SWT1: variants seen among roughly 807,000 people sequenced by gnomAD.
SWT1 encodes the protein transcriptional protein SWT1.
In SWT1, 33 loss-of-function variants were observed where a neutral mutation model predicts 107.3. The observed-to-expected ratio is 0.31, with a 90% CI of 0.23 to 0.41. The LOEUF (loss-of-function observed/expected upper bound fraction) is 0.41, where lower values mean the gene tolerates loss of function less well. SWT1 is among the 10% of genes least tolerant of loss of function. SWT1 has a pLI of 1.00. For synonymous variants in SWT1, 345 were observed against 348.3 expected, an observed-to-expected ratio of 0.99 and a Z score of 0.11; for missense variants, 898 against 1,028.9, an observed-to-expected ratio of 0.87 and a Z score of 1.74.
rs77819057 is a variant in SWT1, at chr1:185,214,776, G to A, written c.2121+121G>A. The stretch of plus-strand genomic sequence containing the variant: ...TAACTTATTCTAACATACTAAAGGC[G>A]TTAAGTAAATGTTAAGTGAATTGAA... On this transcript the variant is annotated intron_variant, in intron 14 of 18. Coordinates refer to ENST00000367500, the MANE Select transcript of SWT1 (RefSeq NM_017673.7). 6,227 of 779,202 alleles carry A rather than the reference G, an allele frequency of 8.0e-3. 218 individuals carry two copies. In the East Asian group the frequency reaches 0.089, roughly 11 times the overall value. 48.3% of individuals were successfully genotyped at this position (779,202 alleles called of 1,614,324 possible). A position where few individuals can be genotyped will look rare whatever the true frequency, so the allele number is the denominator to read the frequency against.
rs1194140381 is a variant in SWT1 at position 185,174,478 on chromosome 1, A to G, written c.331A>G (p.Ile111Val). 18 of 1,610,976 alleles carry G rather than the reference A, an allele frequency of 1.1e-5. No homozygotes were observed. The East Asian group carries it at 3.8e-4, about 34-fold the overall frequency. ...ATCATATTCAAATGATAATCAAATTATTTTGCAGAGTCCTTCTTCAAATGG... is the reference window on the plus strand; with the variant it reads ...ATCATATTCAAATGATAATCAAATTGTTTTGCAGAGTCCTTCTTCAAATGG... ...EASYSNDNQIILQSPSSNGTK... is the reference protein window; with the variant it reads ...EASYSNDNQIVLQSPSSNGTK... Residue 111 changes from isoleucine to valine, a missense_variant, in exon 5 of 19, where the codon ATT becomes GTT. Transcript: ENST00000367500.
chr1:185,172,409 A>G (rs1655151965), intron 4 of SWT1, among the ~76,000 whole-genome samples: 1 of 152,198 alleles, frequency 6.6e-6, no homozygotes, highest in African/African-American at 2.4e-5. Context: ...CATCCTTTTA[A>G]AAAACTGTGA....
intron 18 of SWT1, among the ~76,000 whole-genome samples, chr1:185,285,421 CAT>C (rs1278821850): frequency 2.6e-5 from 4 of 152,166 alleles, no homozygotes; most frequent in African/African-American, 9.7e-5. Flanking sequence ...GGCGGTTCAA[CAT>C]GTTATATATT....
rs537609393 is a variant in SWT1, at chr1:185,255,243, A to G, written c.2442-16080A>G. Among the ~76,000 whole-genome samples, 94 of 151,720 alleles carry G rather than the reference A, an allele frequency of 6.2e-4. 1 individual carries two copies. The highest frequency in any genetic ancestry group is 2.2e-3 in the African/African-American group (90 of 41,306). ...AATAGGTGTGGTGTGGTGCTGAAAA[A>G]AATGTATATTCTGTTGATTTGGGGT... is the stretch of plus-strand genomic sequence containing the variant. On this transcript the variant is annotated intron_variant, in intron 16 of 18. Transcript: ENST00000367500.
intron 16 of SWT1, among the ~76,000 whole-genome samples, chr1:185,261,086 C>T (rs1312997130): frequency 6.6e-6 from 1 of 152,084 alleles, no homozygotes; most frequent in Non-Finnish European, 1.5e-5. Context: ...TGAGAACATT[C>T]CTGCTCTTGT....
chr1:185,185,721 G>A (rs1340918044), intron 9 of SWT1, among the ~76,000 whole-genome samples: 2 of 151,926 alleles, frequency 1.3e-5, no homozygotes, highest in Non-Finnish European at 2.9e-5. Flanking sequence ...CTATGAGAAG[G>A]CTTTAAAAGC....
chr1:185,194,959 C>T (rs147966256), intron 10 of SWT1, among the ~76,000 whole-genome samples: 1 of 152,094 alleles, frequency 6.6e-6, no homozygotes, highest in Non-Finnish European at 1.5e-5. Flanking sequence ...GGCTCACTTG[C>T]TCTGTGGTTT....
chr1:185,284,499 T>C (rs1429788785), intron 18 of SWT1, among the ~76,000 whole-genome samples: 1 of 152,232 alleles, frequency 6.6e-6, no homozygotes, highest in African/African-American at 2.4e-5. Context: ...TTAAAGAGTT[T>C]ACTTGAGCCA....
chr1:185,232,299 C>A (rs928729906), intron 16 of SWT1, among the ~76,000 whole-genome samples: 1 of 152,098 alleles, frequency 6.6e-6, no homozygotes, highest in African/African-American at 2.4e-5. Context: ...AAGTGTGGCT[C>A]CATAAGGGTG....
intron 16 of SWT1, among the ~76,000 whole-genome samples, chr1:185,237,379 G>A (rs1660964738): frequency 6.6e-6 from 1 of 152,068 alleles, no homozygotes; most frequent in East Asian, 1.9e-4. Flanking sequence ...CCATAAAAAA[G>A]GATGAGTTCA....
chr1:185,166,946 G>A (rs1442515653), intron 3 of SWT1, among the ~76,000 whole-genome samples: 1 of 151,694 alleles, frequency 6.6e-6, no homozygotes, highest in African/African-American at 2.4e-5. Context: ...TTACTCTGTT[G>A]CCCCAGGCTG....
intron 18 of SWT1, among the ~76,000 whole-genome samples, chr1:185,287,582 C>A (rs568615278): frequency 9.9e-5 from 15 of 152,106 alleles, no homozygotes; most frequent in South Asian, 2.1e-4. Context: ...CTGCGTCTTA[C>A]AATAGTGAGT....
chr1:185,287,088 T>C (rs953845951), intron 18 of SWT1, among the ~76,000 whole-genome samples: 9 of 152,216 alleles, frequency 5.9e-5, no homozygotes, highest in African/African-American at 9.6e-5. Context: ...CAGAGGGTTG[T>C]AAAACACATA....
intron 16 of SWT1, among the ~76,000 whole-genome samples, chr1:185,237,710 A>ATAATAC (rs1660992122): frequency 1.3e-5 from 2 of 151,978 alleles, no homozygotes; most frequent in Admixed American, 1.3e-4. Flanking sequence ...AATAATAATA[A>ATAATAC]TACTAAAGTA....
At chr1:185,230,217 A>T (rs1252208021) in intron 15 of SWT1, among the ~76,000 whole-genome samples, 3 of 152,210 alleles carry the variant, frequency 2.0e-5, no homozygotes, top group African/African-American at 7.2e-5. Context: ...AAGCATACTC[A>T]TTCTTGTTTT....
intron 18 of SWT1, among the ~76,000 whole-genome samples, chr1:185,283,805 C>T (rs1664789518): frequency 6.6e-6 from 1 of 152,124 alleles, no homozygotes; most frequent in South Asian, 2.1e-4. Context: ...TATATCAATA[C>T]TTCATTCCTT....
At chr1:185,213,736 C>CT (rs1659005939) in intron 13 of SWT1, among the ~76,000 whole-genome samples, 1 of 152,012 alleles carries the variant, frequency 6.6e-6, no homozygotes, top group Non-Finnish European at 1.5e-5. Context: ...TTTTTCTGTT[C>CT]TGAGTTTTAT....
intron 16 of SWT1, among the ~76,000 whole-genome samples, chr1:185,241,086 A>G (rs547351965): frequency 1.4e-3 from 215 of 152,236 alleles, no homozygotes; most frequent in African/African-American, 4.9e-3. Context: ...GTTATTTAGA[A>G]TAGGTCATCC....
chr1:185,246,434 G>A (rs771199515), intron 16 of SWT1, among the ~76,000 whole-genome samples: 13 of 151,558 alleles, frequency 8.6e-5, no homozygotes, highest in African/African-American at 1.5e-4. Flanking sequence ...ACCCTACCAC[G>A]CCCAGCTAAC....
Sources: allele counts gnomAD v4.1 joint callset (sites outside exome capture counted in the v4.1 genomes callset), GRCh38; gene constraint gnomAD v4.1.1; transcripts MANE v1.5; gene names NCBI Gene and HGNC (gene_info 2026-07-23, HGNC 2026-07-21).